The following NCAPH2 variants were observed in gnomAD, a reference collection of about 807,000 sequenced individuals.
The protein encoded by NCAPH2 is non-SMC condensin II complex subunit H2, also known as condensin-2 complex subunit H2.
NCAPH2 carries 56 observed loss-of-function variants against 88.6 expected under a neutral mutation model. The observed-to-expected ratio is 0.63, with a 90% CI of 0.51 to 0.79. The LOEUF is 0.79. Among genes scored for constraint, NCAPH2 ranks in the 30% least tolerant of loss-of-function variants. The probability of loss-of-function intolerance (pLI) is 0.00; values close to 1 mark genes in which losing one functional copy is unlikely to be tolerated. For missense variants in NCAPH2, 794 were observed against 792.0 expected (o/e 1.00, Z -0.03); for synonymous variants, 378 against 313.6 (o/e 1.21, Z -2.17).
chr22:50,508,960 C>G (rs971319382), intron 1 of NCAPH2, among the ~76,000 whole-genome samples: 6 of 152,132 alleles, frequency 3.9e-5, no homozygotes, highest in African/African-American at 9.7e-5. Context: ...ATTTTTACTC[C>G]TCAGCCCAGC....
intron 1 of NCAPH2, 68 bp downstream of exon 1, chr22:50,508,513 C>G: frequency 1.0e-6 from 1 of 958,580 alleles, no homozygotes; most frequent in Non-Finnish European, 1.4e-6. Flanking sequence ...GGCTCCGGGC[C>G]CGGGGCTGTG....
chr22:50,513,057 C>T (rs766871249), intron 1 of NCAPH2, among the ~76,000 whole-genome samples: 1 of 152,236 alleles, frequency 6.6e-6, no homozygotes, highest in East Asian at 1.9e-4. Flanking sequence ...AATAAATATG[C>T]ATTTGGTGTT....
In NCAPH2 at chr22:50,524,340, CCCAGGG is replaced by C; in HGVS notation, c.*966_*971del. ...GATGCAGGGCCTGGCCTCCCAGGGT[CCCAGGG>C]AGGACCCGAGGCTTGAGCTGAGAGA... On this transcript the variant is annotated 3_prime_UTR_variant, in exon 20 of 20. Coordinates refer to ENST00000420993, the MANE Select transcript of NCAPH2 (RefSeq NM_152299.4). 1 of 1,601,876 alleles carries C rather than the reference CCCAGGG, an allele frequency of 6.2e-7. No homozygotes were observed. The highest frequency in any genetic ancestry group is 8.5e-7 in the Non-Finnish European group (1 of 1,179,944).
At position 50,522,493 on chromosome 22, in the gene NCAPH2, C is replaced by G. The variant is rs369787355; in HGVS notation, c.1307-8C>G. ...CTGCGTGCTGTTCACTCTCCCACCT[C>G]CCAGCAGATGACTTTCTAGAGCCTG... On this transcript the variant is annotated splice_region_variant and splice_polypyrimidine_tract_variant and intron_variant, in intron 15 of 19. Coordinates refer to ENST00000420993, the MANE Select transcript of NCAPH2 (RefSeq NM_152299.4). The G allele has an allele frequency of 6.8e-6, 11 of 1,613,640 alleles. No individual in the cohort carries two copies. In the African/African-American group the frequency reaches 1.5e-4, roughly 22 times the overall value.
intron 1 of NCAPH2, among the ~76,000 whole-genome samples, chr22:50,512,957 T>C (rs890875897): frequency 1.3e-5 from 2 of 152,222 alleles, no homozygotes; most frequent in African/African-American, 4.8e-5. Flanking sequence ...GAAAAAATAG[T>C]GCCAAGCAAA....
chr22:50,519,682 C>G, intron 9 of NCAPH2: 1 of 1,115,188 alleles, frequency 9.0e-7, no homozygotes, highest in Non-Finnish European at 1.1e-6. Flanking sequence ...CCTCAACCCC[C>G]GGGGTCAACT....
chr22:50,511,090 C>T (rs1157234429), intron 1 of NCAPH2, among the ~76,000 whole-genome samples: 1 of 150,838 alleles, frequency 6.6e-6, no homozygotes, highest in Non-Finnish European at 1.5e-5. Context: ...TGGTGATCCG[C>T]CCGTGTCGGT....
intron 10 of NCAPH2, among the ~76,000 whole-genome samples, 163 bp downstream of exon 10, chr22:50,521,199 C>T (rs1331997136): frequency 6.6e-6 from 1 of 152,218 alleles, no homozygotes; most frequent in Non-Finnish European, 1.5e-5. Flanking sequence ...TCTGGGCTCC[C>T]ACCCTCTCTC....
intron 1 of NCAPH2, among the ~76,000 whole-genome samples, chr22:50,510,759 A>T (rs2068760197): frequency 6.6e-6 from 1 of 151,884 alleles, no homozygotes; most frequent in African/African-American, 2.4e-5. Context: ...TTAAGGTCTT[A>T]GTGTAAATGT....
intron 2 of NCAPH2, among the ~76,000 whole-genome samples, 176 bp downstream of exon 2, chr22:50,516,724 C>T (rs781320046): frequency 1.6e-4 from 25 of 152,204 alleles, no homozygotes; most frequent in Admixed American, 3.3e-4. Context: ...AATTTAAAAT[C>T]GCACAGCCAG....
chr22:50,512,985 C>T (rs896052670), intron 1 of NCAPH2, among the ~76,000 whole-genome samples: 3 of 152,250 alleles, frequency 2.0e-5, no homozygotes, highest in Admixed American at 6.5e-5. Flanking sequence ...ATAATCCCCA[C>T]TATGGTAGGA....
rs369674746 is a variant in NCAPH2 at position 50,513,466 on chromosome 22, CCCAG to C, written c.109-2979_109-2976del. On this transcript the variant is annotated intron_variant, in intron 1 of 19. Transcript: ENST00000420993. ...GGCCGAGGTGGCTCACGCCTGTGAT[CCCAG>C]CACTTAGGGAGGCCGAGGTGGCTTA... is the stretch of plus-strand genomic sequence containing the variant. 5.7e-3 allele frequency among the ~76,000 whole-genome samples: 873 copies of C among 151,900 alleles called. 6 individuals carry two copies. The highest frequency in any genetic ancestry group is 0.02 in the African/African-American group (816 of 41,450).
chr22:50,513,348 C>T (rs1360831985), intron 1 of NCAPH2, among the ~76,000 whole-genome samples: 2 of 150,646 alleles, frequency 1.3e-5, no homozygotes, highest in East Asian at 3.9e-4. Flanking sequence ...CCTGTGATCC[C>T]AGCACTTTGG....
At position 50,524,344 on chromosome 22, in the gene NCAPH2, G is replaced by T; in HGVS notation, c.*969G>T. 1 of 1,601,832 alleles carries T rather than the reference G, an allele frequency of 6.2e-7. No individual in the cohort carries two copies. Among genetic ancestry groups the T allele is most frequent in the South Asian group, 1.1e-5 (1 of 91,064 alleles). Reference sequence around the variant, plus strand: ...CAGGGCCTGGCCTCCCAGGGTCCCAGGGAGGACCCGAGGCTTGAGCTGAGA... The same window carrying T: ...CAGGGCCTGGCCTCCCAGGGTCCCATGGAGGACCCGAGGCTTGAGCTGAGA... On this transcript the variant is annotated 3_prime_UTR_variant, in exon 20 of 20. Transcript: ENST00000420993.
chr22:50,510,543 T>G (rs2068755684), intron 1 of NCAPH2, among the ~76,000 whole-genome samples: 1 of 152,220 alleles, frequency 6.6e-6, no homozygotes, highest in African/African-American at 2.4e-5. Flanking sequence ...TTCTCCTGCC[T>G]TGGCCTCCCG....
At chr22:50,508,979 G>A (rs1203786978) in intron 1 of NCAPH2, among the ~76,000 whole-genome samples, 3 of 152,168 alleles carry the variant, frequency 2.0e-5, no homozygotes, top group African/African-American at 7.2e-5. Flanking sequence ...GCTCAGTCTG[G>A]CGTCCACGAC....
chr22:50,511,873 T>G (rs2068793609), intron 1 of NCAPH2, among the ~76,000 whole-genome samples: 1 of 152,098 alleles, frequency 6.6e-6, no homozygotes. Flanking sequence ...GGTCTTGGTC[T>G]CCTGACCTCG....
chr22:50,510,547 C>T (rs2068755802), intron 1 of NCAPH2, among the ~76,000 whole-genome samples: 1 of 152,160 alleles, frequency 6.6e-6, no homozygotes, highest in South Asian at 2.1e-4. Flanking sequence ...CCTGCCTTGG[C>T]CTCCCGAGTA....
At chr22:50,515,986 G>A (rs1404600765) in intron 1 of NCAPH2, among the ~76,000 whole-genome samples, 2 of 144,646 alleles carry the variant, frequency 1.4e-5, no homozygotes, top group Non-Finnish European at 3.0e-5. Context: ...CAGAGGAGCT[G>A]GGGCTCCGGG....
Sources: gnomAD v4.1 joint callset for allele counts (sites outside exome capture counted in the v4.1 genomes callset) on GRCh38, gnomAD v4.1.1 for gene constraint, MANE v1.5 for transcripts, NCBI Gene and HGNC (gene_info 2026-07-23, HGNC 2026-07-21) for gene names.